Variants in RAB2A observed in about 807,000 individuals in gnomAD.
The protein encoded by RAB2A is RAB2A, member RAS oncogene family.
Under a neutral mutation model 32.5 loss-of-function variants are expected in RAB2A, and 7 were observed. The ratio of observed to expected loss-of-function variants is 0.22; its 90% CI spans 0.12 to 0.40. The LOEUF (loss-of-function observed/expected upper bound fraction) is 0.40. Among genes scored for constraint, RAB2A ranks in the 10% least tolerant of loss-of-function variants. The probability of loss-of-function intolerance (pLI) is 1.00; values close to 1 mark genes in which losing one functional copy is unlikely to be tolerated. For missense variants in RAB2A, 108 were observed against 260.7 expected (o/e 0.41, Z 4.03); for synonymous variants, 79 against 85.2 (o/e 0.93, Z 0.40).
At chr8:60,555,285 T>C (rs1309245252) in intron 1 of RAB2A, among the ~76,000 whole-genome samples, 3 of 152,110 alleles carry the variant, frequency 2.0e-5, no homozygotes, top group African/African-American at 4.8e-5. Flanking sequence ...ATTGGGAAAA[T>C]GCTTCAGGAC....
chr8:60,583,406 CAG>C (rs956048205), intron 3 of RAB2A, among the ~76,000 whole-genome samples: 2 of 151,342 alleles, frequency 1.3e-5, no homozygotes, highest in South Asian at 2.1e-4. Flanking sequence ...CTTAAAAAAA[CAG>C]AAATTAGTAC....
In RAB2A at chr8:60,517,652, G is replaced by A. The variant is rs966312983; in HGVS notation, c.46+399G>A. ...AGAAGGAGGGAAACCTAGGGGAGCA[G>A]AAGGTGTTGGGGCCCGGGTCTTGGT... is the stretch of plus-strand genomic sequence containing the variant. On this transcript the variant is annotated intron_variant, in intron 1 of 7. Transcript: ENST00000262646. Among the ~76,000 whole-genome samples, 5 of 152,186 alleles carry A rather than the reference G, an allele frequency of 3.3e-5. No homozygotes were observed. The East Asian group carries it at 9.6e-4, about 29-fold the overall frequency.
intron 1 of RAB2A, among the ~76,000 whole-genome samples, chr8:60,532,006 T>C (rs1311261900): frequency 2.0e-5 from 3 of 152,154 alleles, no homozygotes; most frequent in Non-Finnish European, 2.9e-5. Context: ...GGTTTCACCA[T>C]GTTGGTCAAG....
chr8:60,603,097 C>T (rs73261277), intron 6 of RAB2A, among the ~76,000 whole-genome samples: 3 of 152,290 alleles, frequency 2.0e-5, no homozygotes, highest in East Asian at 3.9e-4. Context: ...GGTCATCATC[C>T]TGTTTTTTAT....
chr8:60,572,364 A>G (rs1808209466), intron 3 of RAB2A, among the ~76,000 whole-genome samples: 1 of 152,186 alleles, frequency 6.6e-6, no homozygotes, highest in South Asian at 2.1e-4. Context: ...CTAAATTGAA[A>G]TGCTCTAGAA....
intron 6 of RAB2A, among the ~76,000 whole-genome samples, chr8:60,612,918 T>A (rs1462358977): frequency 6.6e-6 from 1 of 152,192 alleles, no homozygotes; most frequent in Non-Finnish European, 1.5e-5. Flanking sequence ...CAGAATTGCC[T>A]TGAAATACAG....
At chr8:60,575,811 C>A (rs1803607786) in intron 3 of RAB2A, among the ~76,000 whole-genome samples, 1 of 152,040 alleles carries the variant, frequency 6.6e-6, no homozygotes, top group Non-Finnish European at 1.5e-5. Flanking sequence ...GCATGCACCA[C>A]CACGCCCGGC....
intron 5 of RAB2A, among the ~76,000 whole-genome samples, chr8:60,586,303 A>G (rs1803845746): frequency 6.6e-6 from 1 of 152,108 alleles, no homozygotes; most frequent in Non-Finnish European, 1.5e-5. Context: ...TCTCAAAAAA[A>G]AAAAGAAAAT....
intron 5 of RAB2A, among the ~76,000 whole-genome samples, chr8:60,590,614 A>G (rs1803926959): frequency 6.8e-6 from 1 of 147,492 alleles, no homozygotes; most frequent in African/African-American, 2.5e-5. Context: ...TATATATATA[A>G]TGCTTATTGT....
intron 1 of RAB2A, among the ~76,000 whole-genome samples, chr8:60,553,380 T>C (rs1807886359): frequency 6.6e-6 from 1 of 152,236 alleles, no homozygotes; most frequent in Non-Finnish European, 1.5e-5. Context: ...ACTTGTATGA[T>C]GCCTTCACAG....
chr8:60,593,752 A>T (rs914033182), intron 6 of RAB2A, among the ~76,000 whole-genome samples: 2 of 152,234 alleles, frequency 1.3e-5, no homozygotes, highest in African/African-American at 4.8e-5. Context: ...AATAGGTGCC[A>T]ACAGTGAAAT....
Position 60,545,368 on chromosome 8 carries a change from G to A in RAB2A, c.47-13484G>A, listed in dbSNP as rs544080319. Reference sequence around the variant, plus strand: ...CACCCAGGCTGTAGTGCAGTGGGACGATAACATCTCAGCCTCCTGAACTCA... The same window carrying A: ...CACCCAGGCTGTAGTGCAGTGGGACAATAACATCTCAGCCTCCTGAACTCA... On this transcript the variant is annotated intron_variant, in intron 1 of 7. Transcript: ENST00000262646. Among the ~76,000 whole-genome samples the A allele has an allele frequency of 6.3e-4, 96 of 152,166 alleles. 1 individual carries two copies. Among genetic ancestry groups the A allele is most frequent in the African/African-American group, 2.2e-3 (90 of 41,518 alleles).
At chr8:60,545,800 A>G (rs1807718348) in intron 1 of RAB2A, among the ~76,000 whole-genome samples, 2 of 152,254 alleles carry the variant, frequency 1.3e-5, no homozygotes, top group South Asian at 4.1e-4. Flanking sequence ...TATCCAAGAT[A>G]TCCACACCAG....
intron 3 of RAB2A, among the ~76,000 whole-genome samples, chr8:60,575,013 G>A (rs1009077098): frequency 6.6e-6 from 1 of 150,764 alleles, no homozygotes; most frequent in Non-Finnish European, 1.5e-5. Context: ...GTTTAAAATA[G>A]TTTAACTTAT....
intron 2 of RAB2A, among the ~76,000 whole-genome samples, chr8:60,568,083 T>C (rs1347870459): frequency 6.6e-6 from 1 of 152,214 alleles, no homozygotes; most frequent in African/African-American, 2.4e-5. Context: ...CCCTCAAGTC[T>C]CCATTTTGAA....
intron 1 of RAB2A, among the ~76,000 whole-genome samples, chr8:60,544,894 A>G (rs570526717): frequency 6.6e-6 from 1 of 152,018 alleles, no homozygotes; most frequent in South Asian, 2.1e-4. Context: ...TTGTAATGTA[A>G]TTACAAAATG....
At chr8:60,583,014 A>G (rs780755929) in intron 3 of RAB2A, among the ~76,000 whole-genome samples, 1 of 144,026 alleles carries the variant, frequency 6.9e-6, no homozygotes, top group Non-Finnish European at 1.5e-5. Context: ...CCCAGTGCCT[A>G]GCACACACTT....
At chr8:60,533,271 T>C (rs1807505189) in intron 1 of RAB2A, among the ~76,000 whole-genome samples, 1 of 152,194 alleles carries the variant, frequency 6.6e-6, no homozygotes, top group Admixed American at 6.5e-5. Context: ...CTGTCAGACC[T>C]CAACTGCAAT....
In RAB2A at chr8:60,563,342, G is replaced by T. The variant is rs1448036725; in HGVS notation, c.118+4419G>T. Among the ~76,000 whole-genome samples the T allele has an allele frequency of 2.0e-5, 3 of 152,294 alleles. No homozygotes were observed. In the East Asian group the frequency reaches 5.8e-4, roughly 29 times the overall value. On this transcript the variant is annotated intron_variant, in intron 2 of 7. Coordinates refer to ENST00000262646, the MANE Select transcript of RAB2A (RefSeq NM_002865.3). ...ACTAGAGCCTTGCTCCTCAAAAGAT[G>T]GTTCATGTGCTGTTGTGCTGGACCA...
Sources: allele counts gnomAD v4.1 joint callset (sites outside exome capture counted in the v4.1 genomes callset), GRCh38; gene constraint gnomAD v4.1.1; transcripts MANE v1.5; gene names NCBI Gene and HGNC (gene_info 2026-07-23, HGNC 2026-07-21).